The following OSBP variants were observed in gnomAD, a reference collection of about 807,000 sequenced individuals.
OSBP encodes oxysterol binding protein, also known as oxysterol-binding protein 1.
Under a neutral mutation model 96.6 loss-of-function variants are expected in OSBP, and 32 were observed. That is an observed-to-expected ratio of 0.33 (90% CI 0.25 to 0.45). The LOEUF (loss-of-function observed/expected upper bound fraction) is 0.45. OSBP is among the 20% of genes least tolerant of loss of function. The pLI, the probability that OSBP is intolerant of heterozygous loss-of-function variation, is 1.00. For synonymous variants in OSBP, 369 were observed against 389.6 expected, an observed-to-expected ratio of 0.95 and a Z score of 0.62; for missense variants, 653 against 1,029.7, an observed-to-expected ratio of 0.63 and a Z score of 5.01.
At chr11:59,596,366 T>C (rs996271135) in intron 7 of OSBP, among the ~76,000 whole-genome samples, 1 of 152,188 alleles carries the variant, frequency 6.6e-6, no homozygotes, top group Non-Finnish European at 1.5e-5. Context: ...CTGGTGGTAC[T>C]AGACATACCA....
intron 11 of OSBP, 122 bp downstream of exon 11, chr11:59,580,052 C>T (rs961714357): frequency 1.8e-5 from 13 of 731,942 alleles, no homozygotes; most frequent in African/African-American, 5.3e-5. Context: ...TGTACACATA[C>T]ACTATATAAA....
chr11:59,606,621 C>T (rs559903728), intron 3 of OSBP, among the ~76,000 whole-genome samples: 1 of 152,270 alleles, frequency 6.6e-6, no homozygotes, highest in South Asian at 2.1e-4. Context: ...GAAGCCCAAA[C>T]CTCAGCATCA....
At chr11:59,589,151 CTT>C (rs11335531) in intron 9 of OSBP, among the ~76,000 whole-genome samples, 5,296 of 123,966 alleles carry the variant, frequency 0.043, 110 homozygotes, top group Non-Finnish European at 0.049. Context: ...AGCAATCATT[CTT>C]TTTTTTTTTT....
chr11:59,600,518 T>C lies in OSBP; in HGVS notation c.1289A>G (p.Glu430Gly), dbSNP rs1355230615. Residue 430 changes from glutamate to glycine, a missense_variant, in exon 7 of 14, where the codon GAA becomes GGA. By Grantham distance (98) the Glu-to-Gly change is moderately conservative. Transcript: ENST00000263847. ...WSIMKNCIGK[E>G]LSKIPMPVNF... ...TACCGGCATGGGGATCTTAGAGAGT[T>C]CTTTTCCAATGCAGTTCTTCATGAT... 1 of 1,614,062 alleles carries C rather than the reference T, an allele frequency of 6.2e-7. No homozygotes were observed. Among genetic ancestry groups the C allele is most frequent in the Non-Finnish European group, 8.5e-7 (1 of 1,179,984 alleles).
chr11:59,591,955 T>C (rs1860589153), intron 9 of OSBP, among the ~76,000 whole-genome samples: 1 of 152,144 alleles, frequency 6.6e-6, no homozygotes, highest in South Asian at 2.1e-4. Flanking sequence ...GTTGAATCCA[T>C]GAATGCAGAA....
intron 10 of OSBP, among the ~76,000 whole-genome samples, chr11:59,580,528 C>A (rs1860408096): frequency 6.6e-6 from 1 of 152,192 alleles, no homozygotes; most frequent in Non-Finnish European, 1.5e-5. Flanking sequence ...AGCACATATA[C>A]TGAAGTACAC....
At chr11:59,614,813 G>A (rs1362643461) in intron 1 of OSBP, among the ~76,000 whole-genome samples, 2 of 152,190 alleles carry the variant, frequency 1.3e-5, no homozygotes, top group African/African-American at 4.8e-5. Context: ...GAATGTGAAG[G>A]GAGCAAGGAC....
At chr11:59,597,394 T>C (rs562526206) in intron 7 of OSBP, among the ~76,000 whole-genome samples, 2 of 152,212 alleles carry the variant, frequency 1.3e-5, no homozygotes, top group African/African-American at 4.8e-5. Flanking sequence ...GAGACTGCAA[T>C]GACATGCCTT....
chr11:59,587,258 T>C (rs1590669729), intron 9 of OSBP, among the ~76,000 whole-genome samples: 3 of 152,130 alleles, frequency 2.0e-5, no homozygotes, highest in Admixed American at 2.0e-4. Context: ...CCCAGCACTT[T>C]GGGAAGCCGA....
intron 2 of OSBP, 148 bp downstream of exon 2, chr11:59,610,233 C>T (rs1318642098): frequency 2.8e-6 from 2 of 703,342 alleles, no homozygotes; most frequent in South Asian, 3.5e-5. Context: ...ACCATCACTC[C>T]AGCAGAAATA....
At position 59,615,327 on chromosome 11, in the gene OSBP, C is replaced by T. The variant is rs776371465; in HGVS notation, c.338G>A (p.Ser113Asn). 6.2e-7 allele frequency: 1 copy of T among 1,605,730 alleles called. No homozygotes were observed. Among genetic ancestry groups the T allele is most frequent in the Non-Finnish European group, 8.5e-7 (1 of 1,174,898 alleles). Residue 113 changes from serine (S) to asparagine (N), a missense_variant, in exon 1 of 14, where the codon AGC (serine) becomes AAC (asparagine). Transcript: ENST00000263847. ...CCTGTAGTAGCTCAGGAGCCCGTTG[C>T]TCAGCACGAACCATCGCCGCTGGTA... ...KGYQRRWFVL[S>N]NGLLSYYRSK...
chr11:59,576,489 C>T lies in OSBP; in HGVS notation c.*88G>A. On this transcript the variant is annotated 3_prime_UTR_variant, in exon 14 of 14. Transcript: ENST00000263847. ...AAGAGAGACAAACTTGAGGAAAGCA[C>T]TTGGTAAGAGAGTCACAACTTCCAG... is the stretch of plus-strand genomic sequence containing the variant. 10 of 1,420,676 alleles carry T rather than the reference C, an allele frequency of 7.0e-6. No individual in the cohort carries two copies. The South Asian group carries it at 1.4e-4, about 19-fold the overall frequency. 88.0% of individuals were successfully genotyped at this position (1,420,676 alleles called of 1,614,324 possible). A position where few individuals can be genotyped will look rare whatever the true frequency, so the allele number is the denominator to read the frequency against.
At chr11:59,601,118 A>C (rs1330539147) in intron 5 of OSBP, among the ~76,000 whole-genome samples, 165 bp downstream of exon 5, 1 of 149,432 alleles carries the variant, frequency 6.7e-6, no homozygotes, top group East Asian at 1.9e-4. Context: ...CTTGAGACAA[A>C]AAAAAAAAAA....
At chr11:59,582,323 T>C (rs901115639) in intron 9 of OSBP, among the ~76,000 whole-genome samples, 4 of 152,194 alleles carry the variant, frequency 2.6e-5, no homozygotes, top group African/African-American at 7.2e-5. Context: ...GATCTGGATA[T>C]TGAATTCAAT....
chr11:59,612,931 CA>C (rs1860869964), intron 1 of OSBP, among the ~76,000 whole-genome samples: 1 of 152,080 alleles, frequency 6.6e-6, no homozygotes, highest in Non-Finnish European at 1.5e-5. Flanking sequence ...AGTGGTTTGC[CA>C]AGGCCTATTA....
chr11:59,574,458 C>CA lies in OSBP; in HGVS notation c.*2118dup, dbSNP rs1287553307. The CA allele has an allele frequency of 1.3e-5, 2 of 150,438 alleles. No homozygotes were observed. The highest frequency in any genetic ancestry group is 3.0e-5 in the Non-Finnish European group (2 of 67,570). 9.3% of individuals were successfully genotyped at this position (150,438 alleles called of 1,614,324 possible). A position where few individuals can be genotyped will look rare whatever the true frequency, so the allele number is the denominator to read the frequency against. ...TTTTTTTGGAAAAAAATCAATAAGGCAAAAAAACTGAAAATATATATAGTT... is the reference window on the plus strand; with the variant it reads ...TTTTTTTGGAAAAAAATCAATAAGGCAAAAAAAACTGAAAATATATATAGTT... On this transcript the variant is annotated 3_prime_UTR_variant, in exon 14 of 14. Transcript: ENST00000263847.
chr11:59,611,948 T>C (rs983943723), intron 1 of OSBP, among the ~76,000 whole-genome samples: 1 of 152,278 alleles, frequency 6.6e-6, no homozygotes, highest in Non-Finnish European at 1.5e-5. Context: ...CCGCTGGTTA[T>C]GCCCAGGAAC....
chr11:59,593,802 CA>C, intron 8 of OSBP, 78 bp from the exon 9 acceptor site: 1 of 1,577,278 alleles, frequency 6.3e-7, no homozygotes, highest in Non-Finnish European at 8.7e-7. Context: ...TGAGAAACAC[CA>C]AAATTCACAC....
At chr11:59,585,023 A>G (rs1389209022) in intron 9 of OSBP, among the ~76,000 whole-genome samples, 5 of 152,074 alleles carry the variant, frequency 3.3e-5, no homozygotes, top group African/African-American at 1.2e-4. Context: ...TGGCCTCCCA[A>G]AATGCCGAGA....
Sources: gnomAD v4.1 joint callset for allele counts (sites outside exome capture counted in the v4.1 genomes callset) on GRCh38, gnomAD v4.1.1 for gene constraint, MANE v1.5 for transcripts, NCBI Gene and HGNC (gene_info 2026-07-23, HGNC 2026-07-21) for gene names.